Variants in GRM7 observed in about 807,000 individuals in gnomAD.
GRM7 encodes the protein metabotropic glutamate receptor 7.
In GRM7, 35 loss-of-function variants were observed where a neutral mutation model predicts 84.5. The ratio of observed to expected loss-of-function variants is 0.41; its 90% CI spans 0.32 to 0.55. The LOEUF (loss-of-function observed/expected upper bound fraction) is 0.55. GRM7 is among the 20% of genes least tolerant of loss of function. The pLI, the probability that GRM7 is intolerant of heterozygous loss-of-function variation, is 0.19. For missense variants in GRM7, 1,003 were observed against 1,194.6 expected (o/e 0.84, Z 2.36); for synonymous variants, 487 against 455.1 (o/e 1.07, Z -0.89).
At chr3:6,933,035 A>G (rs1184529003) in intron 1 of GRM7, among the ~76,000 whole-genome samples, 1 of 152,098 alleles carries the variant, frequency 6.6e-6, no homozygotes, top group African/African-American at 2.4e-5. Context: ...GATTGCAGGC[A>G]TGAGCCACCG....
chr3:7,000,331 C>A (rs988339558), intron 1 of GRM7, among the ~76,000 whole-genome samples: 2 of 152,026 alleles, frequency 1.3e-5, no homozygotes, highest in African/African-American at 2.4e-5. Flanking sequence ...GCAATTGCAC[C>A]TGGCTAATAT....
chr3:7,207,221 T>C (rs1696269758), intron 2 of GRM7, among the ~76,000 whole-genome samples: 1 of 152,140 alleles, frequency 6.6e-6, no homozygotes, highest in African/African-American at 2.4e-5. Context: ...GCTCTTCACC[T>C]TGACTGAGAG....
At chr3:7,594,565 G>A (rs765847574) in intron 8 of GRM7, among the ~76,000 whole-genome samples, 14 of 152,148 alleles carry the variant, frequency 9.2e-5, no homozygotes, top group Non-Finnish European at 1.8e-4. Flanking sequence ...AAATACAAAC[G>A]TGGCATTACT....
intron 8 of GRM7, among the ~76,000 whole-genome samples, chr3:7,655,038 C>T (rs1699118466): frequency 6.6e-6 from 1 of 152,168 alleles, no homozygotes; most frequent in Non-Finnish European, 1.5e-5. Context: ...GTTCTGTGAA[C>T]AGACCCATTT....
rs557296914 is a variant in GRM7 at position 7,226,191 on chromosome 3, A to C, written c.737-72493A>C. On this transcript the variant is annotated intron_variant, in intron 2 of 9. Transcript: ENST00000357716. ...GTAACAAATCACTGCACATTTAGCA[A>C]CTTAAAACAACACATATTGATTATC... 3.3e-5 allele frequency among the ~76,000 whole-genome samples: 5 copies of C among 152,290 alleles called. No individual in the cohort carries two copies. In the East Asian group the frequency reaches 9.6e-4, roughly 29 times the overall value.
chr3:7,637,716 C>A (rs1698164334), intron 8 of GRM7, among the ~76,000 whole-genome samples: 1 of 152,188 alleles, frequency 6.6e-6, no homozygotes, highest in South Asian at 2.1e-4. Flanking sequence ...GTTGGTCAAC[C>A]TGAACAATGG....
At chr3:6,944,155 G>T (rs948048960) in intron 1 of GRM7, among the ~76,000 whole-genome samples, 3 of 151,980 alleles carry the variant, frequency 2.0e-5, no homozygotes, top group South Asian at 4.2e-4. Flanking sequence ...TTTTTCATTT[G>T]CATGGTTTTC....
chr3:7,068,269 T>C (rs1480386926), intron 1 of GRM7, among the ~76,000 whole-genome samples: 1 of 152,060 alleles, frequency 6.6e-6, no homozygotes, highest in Non-Finnish European at 1.5e-5. Flanking sequence ...GACTACAGTC[T>C]GTTTTAGTAC....
chr3:7,646,713 T>TA (rs1698661805), intron 8 of GRM7, among the ~76,000 whole-genome samples: 2 of 152,208 alleles, frequency 1.3e-5, no homozygotes, highest in African/African-American at 4.8e-5. Flanking sequence ...GTTATATGTA[T>TA]ATGTGTGCAT....
intron 4 of GRM7, among the ~76,000 whole-genome samples, chr3:7,317,029 G>C (rs1187226973): frequency 6.6e-6 from 1 of 152,108 alleles, no homozygotes; most frequent in African/African-American, 2.4e-5. Flanking sequence ...ACCAGGTAAC[G>C]TAACTGTTTT....
chr3:7,338,923 T>G (rs2125075968), intron 4 of GRM7, among the ~76,000 whole-genome samples: 1 of 151,258 alleles, frequency 6.6e-6, no homozygotes, highest in South Asian at 2.1e-4. Flanking sequence ...CAGAGACTAC[T>G]TTCCAGGCTG....
At chr3:7,349,874 CCT>C (rs1471646279) in intron 4 of GRM7, among the ~76,000 whole-genome samples, 1 of 152,054 alleles carries the variant, frequency 6.6e-6, no homozygotes, top group African/African-American at 2.4e-5. Context: ...TTAGATTCCT[CCT>C]CTTTTTTTTC....
At chr3:7,636,498 T>C (rs967355241) in intron 8 of GRM7, 1 of 303,250 alleles carries the variant, frequency 3.3e-6, no homozygotes, top group African/African-American at 2.2e-5. Context: ...AAGGGTCAGG[T>C]AATAAGGAGA....
In GRM7 at chr3:7,157,019, T is replaced by C. The variant is rs748090509; in HGVS notation, c.736+10351T>C. Among the ~76,000 whole-genome samples, 8 of 150,950 alleles carry C rather than the reference T, an allele frequency of 5.3e-5. No individual in the cohort carries two copies. The South Asian group carries it at 1.5e-3, about 28-fold the overall frequency. ...GCAATGCAAAAAATACTGAGGAAGA[T>C]GTAAGGAATCAAGAAGCTTGGACTG... On this transcript the variant is annotated intron_variant, in intron 2 of 9. Transcript: ENST00000357716.
intron 1 of GRM7, among the ~76,000 whole-genome samples, chr3:7,022,702 G>A (rs1276120840): frequency 6.6e-6 from 1 of 152,028 alleles, no homozygotes. Flanking sequence ...AAGAGCCCAT[G>A]AAAGCAAAAG....
intron 7 of GRM7, among the ~76,000 whole-genome samples, chr3:7,540,797 A>C (rs1049833316): frequency 6.6e-6 from 1 of 152,202 alleles, no homozygotes; most frequent in Non-Finnish European, 1.5e-5. Context: ...TCATCCAGCA[A>C]GTGATATCCA....
intron 1 of GRM7, among the ~76,000 whole-genome samples, chr3:7,072,296 C>G (rs1309413831): frequency 2.0e-5 from 3 of 149,302 alleles, no homozygotes; most frequent in South Asian, 4.2e-4. Flanking sequence ...ACTCTGAGAC[C>G]TTAAATACTT....
chr3:7,659,694 T>C (rs1373449952), intron 8 of GRM7, among the ~76,000 whole-genome samples: 1 of 152,228 alleles, frequency 6.6e-6, no homozygotes, highest in Non-Finnish European at 1.5e-5. Context: ...TATAAATCTA[T>C]AAAACTGATC....
At chr3:6,998,223 CA>C (rs1694893423) in intron 1 of GRM7, among the ~76,000 whole-genome samples, 1 of 144,028 alleles carries the variant, frequency 6.9e-6, no homozygotes, top group Non-Finnish European at 1.5e-5. Flanking sequence ...TTGACCAAAA[CA>C]AAGGGGCTAC....
Sources: gnomAD v4.1 joint callset for allele counts (sites outside exome capture counted in the v4.1 genomes callset) on GRCh38, gnomAD v4.1.1 for gene constraint, MANE v1.5 for transcripts, NCBI Gene and HGNC (gene_info 2026-07-23, HGNC 2026-07-21) for gene names.